The following IGF2BP3 variants were observed in gnomAD, a reference collection of about 807,000 sequenced individuals.
IGF2BP3 encodes insulin like growth factor 2 mRNA binding protein 3.
In IGF2BP3, 9 loss-of-function variants were observed where a neutral mutation model predicts 73.8. The observed-to-expected ratio is 0.12, with a 90% confidence interval of 0.07 to 0.21. The LOEUF is 0.21. IGF2BP3 is among the 10% of genes least tolerant of loss of function. The pLI is 1.00. For synonymous variants in IGF2BP3, 258 were observed against 256.7 expected, an observed-to-expected ratio of 1.01 and a Z score of -0.05; for missense variants, 542 against 714.0, an observed-to-expected ratio of 0.76 and a Z score of 2.75.
At position 23,470,303 on chromosome 7, in the gene IGF2BP3, ATG is replaced by A. The variant is rs900246081; in HGVS notation, c.-195_-194del. 2.2e-6 allele frequency: 1 copy of A among 461,564 alleles called. No homozygotes were observed. Among genetic ancestry groups the A allele is most frequent in the African/African-American group, 2.0e-5 (1 of 49,904 alleles). The allele number at this position is 461,564 out of a possible 1,614,324, so 28.6% of individuals were successfully genotyped here. A position where few individuals can be genotyped will look rare whatever the true frequency, so the allele number is the denominator to read the frequency against. On this transcript the variant is annotated 5_prime_UTR_variant, in exon 1 of 15. Coordinates refer to ENST00000258729, the MANE Select transcript of IGF2BP3 (RefSeq NM_006547.3). ...CGAGGCTTGTTTTTTCCTTGTCTAG[ATG>A]TGTTTTAAAAGAGAAAGAAAAGAAA...
intron 3 of IGF2BP3, among the ~76,000 whole-genome samples, chr7:23,371,620 G>A (rs2128512044): frequency 6.6e-6 from 1 of 152,280 alleles, no homozygotes; most frequent in Non-Finnish European, 1.5e-5. Flanking sequence ...TGACTGTCAA[G>A]TTAAGAAAGC....
chr7:23,351,638 C>T (rs1784965107), intron 5 of IGF2BP3, 52 bp from the exon 6 acceptor site: 2 of 1,579,544 alleles, frequency 1.3e-6, no homozygotes, highest in South Asian at 1.1e-5. Context: ...CTATATGACA[C>T]ATCTTTTAGC....
At chr7:23,419,139 A>T (rs1787274769) in intron 2 of IGF2BP3, among the ~76,000 whole-genome samples, 1 of 152,228 alleles carries the variant, frequency 6.6e-6, no homozygotes, top group Admixed American at 6.5e-5. Flanking sequence ...GCTTCAAATT[A>T]GGCATCCCAG....
intron 2 of IGF2BP3, among the ~76,000 whole-genome samples, chr7:23,444,892 C>T (rs1319773516): frequency 6.6e-6 from 1 of 152,050 alleles, no homozygotes; most frequent in Non-Finnish European, 1.5e-5. Flanking sequence ...ACATAGAGTT[C>T]CCATCTCTAC....
At chr7:23,370,129 T>TGG (rs1785501486) in intron 3 of IGF2BP3, among the ~76,000 whole-genome samples, 1 of 152,178 alleles carries the variant, frequency 6.6e-6, no homozygotes, top group Non-Finnish European at 1.5e-5. Context: ...CCCACACCTA[T>TGG]GCTCTAGTCA....
intron 3 of IGF2BP3, among the ~76,000 whole-genome samples, chr7:23,418,320 A>C (rs189846542): frequency 2.0e-5 from 3 of 152,316 alleles, no homozygotes; most frequent in Admixed American, 2.0e-4. Context: ...CAATTGTGCT[A>C]AATAGTTTGT....
chr7:23,366,143 CT>C (rs879535310), intron 3 of IGF2BP3, among the ~76,000 whole-genome samples: 415 of 143,208 alleles, frequency 2.9e-3, no homozygotes, highest in Admixed American at 3.0e-3. Flanking sequence ...CCGTGTAAAT[CT>C]TTTTTTTTTT....
rs556962789 is a variant in IGF2BP3, at chr7:23,377,138, A to C, written c.286-15397T>G. The stretch of plus-strand genomic sequence containing the variant: ...AAAAAACTGTGCTAAAAAGAAAAGA[A>C]CAAAAAAATAAAACCTTTGTGCTTC... On this transcript the variant is annotated intron_variant, in intron 3 of 14. Coordinates refer to ENST00000258729, the MANE Select transcript of IGF2BP3 (RefSeq NM_006547.3). 5.9e-5 allele frequency among the ~76,000 whole-genome samples: 9 copies of C among 152,326 alleles called. No individual in the cohort carries two copies. The South Asian group carries it at 1.7e-3, about 28-fold the overall frequency.
At chr7:23,345,821 G>C (rs1784815221) in intron 8 of IGF2BP3, 119 bp downstream of exon 8, 1 of 1,165,060 alleles carries the variant, frequency 8.6e-7, no homozygotes, top group Non-Finnish European at 1.2e-6. Context: ...GAAACCATGT[G>C]TAAGTACGGC....
intron 2 of IGF2BP3, among the ~76,000 whole-genome samples, chr7:23,430,828 A>T (rs189204960): frequency 6.6e-6 from 1 of 152,324 alleles, no homozygotes; most frequent in East Asian, 1.9e-4. Context: ...TCCTTAGGTA[A>T]AGTTGTAACA....
At chr7:23,468,626 C>G in intron 1 of IGF2BP3, 84 bp from the exon 2 acceptor site, 2 of 1,425,180 alleles carry the variant, frequency 1.4e-6, no homozygotes, top group Non-Finnish European at 2.0e-6. Context: ...AGCGGCGACA[C>G]AAATGGCCTC....
intron 6 of IGF2BP3, among the ~76,000 whole-genome samples, chr7:23,350,553 C>T (rs1171395050): frequency 1.3e-5 from 2 of 152,168 alleles, no homozygotes; most frequent in Non-Finnish European, 2.9e-5. Flanking sequence ...TAAAGCAAAA[C>T]AACATATAAT....
intron 2 of IGF2BP3, among the ~76,000 whole-genome samples, chr7:23,442,314 C>A (rs181464480): frequency 6.6e-5 from 10 of 152,188 alleles, no homozygotes; most frequent in African/African-American, 1.7e-4. Flanking sequence ...AAATGTAATC[C>A]CTTAAGGCAG....
rs1228469847 is a variant in IGF2BP3 at position 23,414,150 on chromosome 7, C to CA, written c.285+4625dup. 727 of 126,508 alleles carry CA rather than the reference C, an allele frequency of 5.7e-3. 3 individuals carry two copies. The highest frequency in any genetic ancestry group is 0.012 in the African/African-American group (407 of 33,728). 7.8% of individuals were successfully genotyped at this position (126,508 alleles called of 1,614,324 possible). On this transcript the variant is annotated intron_variant, in intron 3 of 14. Transcript: ENST00000258729. ...GGGTGACAGAGCAAGACTCTGTCTC[C>CA]AAAAAAAAAAAAAAGTTAGTCTCCC...
chr7:23,446,169 C>T (rs555280130), intron 2 of IGF2BP3, among the ~76,000 whole-genome samples: 9 of 152,134 alleles, frequency 5.9e-5, no homozygotes, highest in Non-Finnish European at 1.2e-4. Flanking sequence ...AACAAAATAA[C>T]AACTGTAACA....
intron 7 of IGF2BP3, among the ~76,000 whole-genome samples, chr7:23,347,261 C>A (rs1784851226): frequency 6.6e-6 from 1 of 152,142 alleles, no homozygotes; most frequent in African/African-American, 2.4e-5. Context: ...AAGAACAGAG[C>A]TCCAATGAGC....
intron 6 of IGF2BP3, among the ~76,000 whole-genome samples, chr7:23,348,832 T>G (rs1784894125): frequency 6.6e-6 from 1 of 152,216 alleles, no homozygotes; most frequent in Non-Finnish European, 1.5e-5. Context: ...GATAGAAAAT[T>G]AGAATTATCT....
At chr7:23,390,507 T>G (rs1786238211) in intron 3 of IGF2BP3, among the ~76,000 whole-genome samples, 1 of 152,058 alleles carries the variant, frequency 6.6e-6, no homozygotes, top group Non-Finnish European at 1.5e-5. Flanking sequence ...TAGATTAGGG[T>G]AAACCACCAG....
chr7:23,428,066 C>CT (rs1787562607), intron 2 of IGF2BP3, among the ~76,000 whole-genome samples: 1 of 152,004 alleles, frequency 6.6e-6, no homozygotes. Context: ...ATCCCAGCTA[C>CT]TTAGGAGGCT....
Sources: gnomAD v4.1 joint callset for allele counts (sites outside exome capture counted in the v4.1 genomes callset) on GRCh38, gnomAD v4.1.1 for gene constraint, MANE v1.5 for transcripts, NCBI Gene and HGNC (gene_info 2026-07-23, HGNC 2026-07-21) for gene names.